Variants in SPATA16 observed in about 807,000 individuals in gnomAD.
SPATA16 encodes the protein spermatogenesis-associated protein 16.
SPATA16 carries 36 observed loss-of-function variants against 63.3 expected under a neutral mutation model. The ratio of observed to expected loss-of-function variants is 0.57; its 90% CI spans 0.44 to 0.75. The LOEUF (loss-of-function observed/expected upper bound fraction) is 0.75, where lower values mean the gene tolerates loss of function less well. Ranked by LOEUF, SPATA16 falls within the 30% of genes least tolerant of loss-of-function variation. The pLI, the probability that SPATA16 is intolerant of heterozygous loss-of-function variation, is 0.00. For synonymous variants in SPATA16, 203 were observed against 216.7 expected (o/e 0.94, Z 0.56); for missense variants, 646 against 679.3 (o/e 0.95, Z 0.54).
At chr3:172,984,600 A>G (rs2108256766) in intron 4 of SPATA16, among the ~76,000 whole-genome samples, 1 of 152,234 alleles carries the variant, frequency 6.6e-6, no homozygotes, top group Admixed American at 6.5e-5. Flanking sequence ...TAATATCTGG[A>G]ATTTTTTCCT....
chr3:173,054,757 A>G (rs982236189), intron 2 of SPATA16, among the ~76,000 whole-genome samples: 2 of 152,160 alleles, frequency 1.3e-5, no homozygotes, highest in Admixed American at 6.5e-5. Context: ...TTTTTTAAGA[A>G]TAAAGAAAAG....
chr3:172,937,290 T>C (rs996823759), intron 6 of SPATA16, among the ~76,000 whole-genome samples: 3 of 152,174 alleles, frequency 2.0e-5, no homozygotes, highest in Non-Finnish European at 4.4e-5. Context: ...TGATTGGTTA[T>C]TCATGGTATG....
intron 8 of SPATA16, among the ~76,000 whole-genome samples, chr3:172,922,126 A>G (rs1343546193): frequency 1.3e-5 from 2 of 152,180 alleles, no homozygotes; most frequent in East Asian, 1.9e-4. Flanking sequence ...TTTGCAGCCA[A>G]TTTTATCAGT....
Position 173,039,791 on chromosome 3 carries a change from C to T in SPATA16, c.758+9158G>A, listed in dbSNP as rs147001973. Among the ~76,000 whole-genome samples, 238 of 152,108 alleles carry T rather than the reference C, an allele frequency of 1.6e-3. 1 individual carries two copies. The highest frequency in any genetic ancestry group is 6.8e-3 in the Middle Eastern group (2 of 294). On this transcript the variant is annotated intron_variant, in intron 3 of 10. Coordinates refer to ENST00000351008, the MANE Select transcript of SPATA16 (RefSeq NM_031955.6). ...AGCTGTGGGAGGCATGGCAAAGTGT[C>T]ATAGAGGCAATACAGGAGTGCTGTA...
At chr3:173,116,668 C>G (rs766327801) in intron 2 of SPATA16, among the ~76,000 whole-genome samples, 14 of 152,102 alleles carry the variant, frequency 9.2e-5, no homozygotes, top group Admixed American at 3.9e-4. Context: ...TGAGCACATG[C>G]TAAAAAGTAA....
intron 2 of SPATA16, among the ~76,000 whole-genome samples, chr3:173,105,487 A>G (rs1291939407): frequency 1.3e-5 from 2 of 152,292 alleles, no homozygotes; most frequent in East Asian, 3.9e-4. Context: ...TTTTCTCTCA[A>G]TTAATTTCTT....
chr3:173,075,433 T>C (rs1736776285), intron 2 of SPATA16, among the ~76,000 whole-genome samples: 1 of 152,156 alleles, frequency 6.6e-6, no homozygotes, highest in African/African-American at 2.4e-5. Context: ...GCTGGATAGA[T>C]ACCTAATAGA....
At chr3:172,957,798 T>G (rs1733636776) in intron 5 of SPATA16, among the ~76,000 whole-genome samples, 1 of 152,204 alleles carries the variant, frequency 6.6e-6, no homozygotes, top group African/African-American at 2.4e-5. Flanking sequence ...CTCACAGTAT[T>G]TTGAAAACAA....
chr3:173,045,332 G>A (rs974077502), intron 3 of SPATA16, among the ~76,000 whole-genome samples: 1 of 151,976 alleles, frequency 6.6e-6, no homozygotes, highest in African/African-American at 2.4e-5. Flanking sequence ...AAGATTATGG[G>A]GCTCATCCTG....
intron 3 of SPATA16, among the ~76,000 whole-genome samples, chr3:173,048,323 A>G (rs1163040620): frequency 6.6e-6 from 1 of 152,076 alleles, no homozygotes; most frequent in African/African-American, 2.4e-5. Flanking sequence ...TGAGAGAAAG[A>G]CCCCTAAAAC....
chr3:172,890,277 C>T (rs1481087455), intron 10 of SPATA16, among the ~76,000 whole-genome samples: 1 of 152,118 alleles, frequency 6.6e-6, no homozygotes, highest in Admixed American at 6.5e-5. Flanking sequence ...CACAACAATT[C>T]TTGAAAAAGA....
intron 3 of SPATA16, among the ~76,000 whole-genome samples, chr3:173,043,004 C>T (rs542507282): frequency 1.3e-5 from 2 of 152,068 alleles, no homozygotes; most frequent in Middle Eastern, 3.4e-3. Flanking sequence ...TAAAAATAGA[C>T]TTTTATGTTT....
intron 2 of SPATA16, among the ~76,000 whole-genome samples, chr3:173,106,186 G>A (rs1305031793): frequency 6.6e-6 from 1 of 152,142 alleles, no homozygotes; most frequent in Non-Finnish European, 1.5e-5. Context: ...GTTGCCTGCT[G>A]CATAAAATCT....
intron 3 of SPATA16, among the ~76,000 whole-genome samples, chr3:173,021,722 T>TTTTATTTA (rs76258278): frequency 0.14 from 19,368 of 139,532 alleles, 1,544 homozygotes; most frequent in Non-Finnish European, 0.16. Flanking sequence ...CCCTATTACT[T>TTTTATTTA]TTTATTTATT....
intron 2 of SPATA16, among the ~76,000 whole-genome samples, chr3:173,054,106 C>A (rs969306199): frequency 6.6e-6 from 1 of 151,590 alleles, no homozygotes; most frequent in Non-Finnish European, 1.5e-5. Context: ...TTACATGTTA[C>A]AATTATAGTT....
intron 2 of SPATA16, among the ~76,000 whole-genome samples, chr3:173,065,578 A>AC (rs1736499562): frequency 6.6e-6 from 1 of 152,372 alleles, no homozygotes; most frequent in African/African-American, 2.4e-5. Context: ...CCTGGTTTGA[A>AC]CACAGTATCA....
At chr3:173,067,390 T>C (rs752157906) in intron 2 of SPATA16, among the ~76,000 whole-genome samples, 22 of 152,122 alleles carry the variant, frequency 1.4e-4, no homozygotes, top group Admixed American at 3.3e-4. Flanking sequence ...GAGCTAAACA[T>C]TGAGTACACA....
intron 6 of SPATA16, among the ~76,000 whole-genome samples, chr3:172,926,494 G>C (rs931990920): frequency 6.6e-6 from 1 of 152,196 alleles, no homozygotes; most frequent in African/African-American, 2.4e-5. Flanking sequence ...TTATGGATAA[G>C]AGGTTGAGGG....
At chr3:172,914,549 A>G (rs1392148830) in intron 9 of SPATA16, among the ~76,000 whole-genome samples, 1 of 152,160 alleles carries the variant, frequency 6.6e-6, no homozygotes, top group Non-Finnish European at 1.5e-5. Context: ...GTCACTCAAA[A>G]TCTTCTATTA....
Sources: gnomAD v4.1 joint callset for allele counts (sites outside exome capture counted in the v4.1 genomes callset) on GRCh38, gnomAD v4.1.1 for gene constraint, MANE v1.5 for transcripts, NCBI Gene and HGNC (gene_info 2026-07-23, HGNC 2026-07-21) for gene names.